The following SCAI variants were observed in gnomAD, a reference collection of about 807,000 sequenced individuals.
The protein encoded by SCAI is protein SCAI.
A neutral mutation model predicts 92.2 loss-of-function variants in SCAI; 24 were observed. The observed-to-expected ratio is 0.26, with a 90% CI of 0.19 to 0.37. The LOEUF (loss-of-function observed/expected upper bound fraction) is 0.37, where lower values mean the gene tolerates loss of function less well. Ranked by LOEUF, SCAI falls within the 10% of genes least tolerant of loss-of-function variation. SCAI has a pLI of 1.00. For missense variants in SCAI, 450 were observed against 736.2 expected (o/e 0.61, Z 4.50); for synonymous variants, 261 against 258.6 (o/e 1.01, Z -0.09).
intron 17 of SCAI, 96 bp downstream of exon 17, chr9:124,971,274 T>G: frequency 1.8e-6 from 1 of 568,368 alleles, no homozygotes; most frequent in Non-Finnish European, 3.0e-6. Flanking sequence ...ATAATATTAT[T>G]TTATTATAAC....
intron 2 of SCAI, among the ~76,000 whole-genome samples, chr9:125,102,315 C>T (rs1834694530): frequency 6.6e-6 from 1 of 152,134 alleles, no homozygotes; most frequent in Non-Finnish European, 1.5e-5. Flanking sequence ...CCTAATTATC[C>T]CAATGATGAG....
chr9:124,967,125 G>C (rs1463992695), intron 17 of SCAI, among the ~76,000 whole-genome samples: 1 of 152,062 alleles, frequency 6.6e-6, no homozygotes, highest in Non-Finnish European at 1.5e-5. Flanking sequence ...TTAAAATGAG[G>C]TAATATGGTA....
At chr9:125,129,413 A>G (rs1362180574) in intron 2 of SCAI, among the ~76,000 whole-genome samples, 1 of 151,080 alleles carries the variant, frequency 6.6e-6, no homozygotes. Flanking sequence ...CTCCAACTTA[A>G]AAAAAATAAA....
chr9:125,118,010 T>C (rs980624989), intron 2 of SCAI, among the ~76,000 whole-genome samples: 4 of 152,142 alleles, frequency 2.6e-5, no homozygotes, highest in African/African-American at 4.8e-5. Flanking sequence ...TATCCCCTAA[T>C]AAGCACTAGC....
At chr9:124,971,623 G>A (rs772611606) in intron 16 of SCAI, 48 bp downstream of exon 16, 27 of 1,482,982 alleles carry the variant, frequency 1.8e-5, no homozygotes, top group Non-Finnish European at 2.5e-5. Flanking sequence ...ACCATTTTAA[G>A]CCATTATAGT....
intron 9 of SCAI, among the ~76,000 whole-genome samples, chr9:125,016,864 A>G (rs1832770557): frequency 6.6e-6 from 1 of 152,214 alleles, no homozygotes; most frequent in Non-Finnish European, 1.5e-5. Flanking sequence ...TATAAATTAG[A>G]CTACATTAAA....
chr9:125,028,523 T>C, intron 4 of SCAI, 45 bp from the exon 5 acceptor site: 1 of 1,041,556 alleles, frequency 9.6e-7, no homozygotes, highest in Non-Finnish European at 1.4e-6. Flanking sequence ...GTCTATAAAT[T>C]CCAAAACTAA....
chr9:125,026,696 T>C (rs1434129228), intron 6 of SCAI, 116 bp downstream of exon 6: 1 of 574,610 alleles, frequency 1.7e-6, no homozygotes, highest in Admixed American at 3.1e-5. Context: ...AGGCACTCAA[T>C]AAAGCCTGGT....
intron 3 of SCAI, among the ~76,000 whole-genome samples, chr9:125,033,677 G>A (rs1189166744): frequency 6.6e-6 from 1 of 152,168 alleles, no homozygotes; most frequent in East Asian, 1.9e-4. Context: ...CACGTAACCT[G>A]TGAGGATACT....
chr9:125,065,689 C>G (rs1454436906), intron 2 of SCAI, among the ~76,000 whole-genome samples: 1 of 152,056 alleles, frequency 6.6e-6, no homozygotes, highest in African/African-American at 2.4e-5. Flanking sequence ...ATATACTAAG[C>G]CAAATGTTAG....
intron 2 of SCAI, among the ~76,000 whole-genome samples, chr9:125,121,557 A>G (rs910774129): frequency 1.2e-4 from 18 of 151,950 alleles, no homozygotes; most frequent in Admixed American, 1.3e-4. Context: ...TTTTTTTAAG[A>G]GTAAAAATCC....
intron 2 of SCAI, among the ~76,000 whole-genome samples, chr9:125,084,939 A>G (rs551443461): frequency 2.0e-5 from 3 of 152,194 alleles, no homozygotes; most frequent in Admixed American, 1.3e-4. Flanking sequence ...CCAGGTCCCA[A>G]TTGTTCCATT....
intron 2 of SCAI, among the ~76,000 whole-genome samples, chr9:125,090,011 T>C (rs1396213438): frequency 1.3e-5 from 2 of 152,180 alleles, no homozygotes; most frequent in Admixed American, 1.3e-4. Flanking sequence ...GTATTCTCAA[T>C]TACCCACACC....
At chr9:125,086,217 C>G (rs1485398397) in intron 2 of SCAI, among the ~76,000 whole-genome samples, 1 of 152,182 alleles carries the variant, frequency 6.6e-6, no homozygotes, top group East Asian at 1.9e-4. Context: ...TTACAATAAC[C>G]TCTTACTTAA....
At chr9:124,981,976 T>G (rs1425769049) in intron 14 of SCAI, among the ~76,000 whole-genome samples, 1 of 152,216 alleles carries the variant, frequency 6.6e-6, no homozygotes, top group Non-Finnish European at 1.5e-5. Context: ...TCATGCATGA[T>G]TCAGATAAAC....
At chr9:125,065,210 G>A (rs887772434) in intron 2 of SCAI, among the ~76,000 whole-genome samples, 4 of 151,552 alleles carry the variant, frequency 2.6e-5, no homozygotes, top group African/African-American at 4.8e-5. Context: ...AATGACCCAC[G>A]GGGGAAAAAA....
chr9:125,116,122 T>G (rs935332629), intron 2 of SCAI, among the ~76,000 whole-genome samples: 1 of 152,174 alleles, frequency 6.6e-6, no homozygotes, highest in African/African-American at 2.4e-5. Flanking sequence ...GAGGCGGAGG[T>G]TGCAGTGAGC....
At chr9:125,010,516 CAA>C (rs1832613765) in intron 9 of SCAI, among the ~76,000 whole-genome samples, 1 of 152,234 alleles carries the variant, frequency 6.6e-6, no homozygotes, top group Non-Finnish European at 1.5e-5. Context: ...CTTAGGTAAA[CAA>C]AGCAGCCAGA....
chr9:125,132,322 C>T (rs558408793), intron 2 of SCAI, among the ~76,000 whole-genome samples: 2 of 152,150 alleles, frequency 1.3e-5, no homozygotes, highest in Non-Finnish European at 1.5e-5. Flanking sequence ...TCACGTTAGC[C>T]AGGCTGGTCT....
Sources: allele counts gnomAD v4.1 joint callset (sites outside exome capture counted in the v4.1 genomes callset), GRCh38; gene constraint gnomAD v4.1.1; transcripts MANE v1.5; gene names NCBI Gene and HGNC (gene_info 2026-07-23, HGNC 2026-07-21).